Variants in HS6ST3 observed in about 807,000 individuals in gnomAD.
HS6ST3 encodes heparan-sulfate 6-O-sulfotransferase 3.
In HS6ST3, 12 loss-of-function variants were observed where a neutral mutation model predicts 36.7. That is an observed-to-expected ratio of 0.33 (90% CI 0.21 to 0.53). The LOEUF (loss-of-function observed/expected upper bound fraction) is 0.53, where lower values mean the gene tolerates loss of function less well. Among genes scored for constraint, HS6ST3 ranks in the 20% least tolerant of loss-of-function variants. HS6ST3 has a pLI of 0.95. For missense variants in HS6ST3, 584 were observed against 640.9 expected (o/e 0.91, Z 0.96); for synonymous variants, 240 against 257.5 (o/e 0.93, Z 0.65).
rs926496899 is a variant in HS6ST3 at position 96,833,897 on chromosome 13, G to C, written c.*699G>C. 6.6e-6 allele frequency: 1 copy of C among 152,126 alleles called. No homozygotes were observed. Among genetic ancestry groups the C allele is most frequent in the African/African-American group, 2.4e-5 (1 of 41,402 alleles). The allele number at this position is 152,126 out of a possible 1,614,324, so 9.4% of individuals were successfully genotyped here. On this transcript the variant is annotated 3_prime_UTR_variant, in exon 2 of 2. Transcript: ENST00000376705. ...GGAACGGGGAGTGGATCCAGGACAG[G>C]GGAGGTTGTAACCCCTGAGAAATGA... is the stretch of plus-strand genomic sequence containing the variant.
At chr13:96,657,290 G>A (rs1170827555) in intron 1 of HS6ST3, among the ~76,000 whole-genome samples, 10 of 152,104 alleles carry the variant, frequency 6.6e-5, no homozygotes, top group African/African-American at 2.4e-4. Context: ...GCCAGGCACA[G>A]TGGCTCACAC....
intron 1 of HS6ST3, among the ~76,000 whole-genome samples, chr13:96,775,508 CA>C (rs1286136762): frequency 8.6e-6 from 1 of 116,644 alleles, no homozygotes; most frequent in East Asian, 2.8e-4. Context: ...ACATGGAAGG[CA>C]AAAAAGAAAA....
chr13:96,230,330 G>T (rs891788148), intron 1 of HS6ST3, among the ~76,000 whole-genome samples: 23 of 152,174 alleles, frequency 1.5e-4, no homozygotes, highest in African/African-American at 5.5e-4. Context: ...GAACGGAGAG[G>T]GTAGAAAACT....
At chr13:96,093,038 A>C (rs1453935495) in intron 1 of HS6ST3, among the ~76,000 whole-genome samples, 1 of 152,318 alleles carries the variant, frequency 6.6e-6, no homozygotes, top group South Asian at 2.1e-4. Context: ...CTCCTAACAC[A>C]TAACACTATT....
At chr13:96,097,077 G>A (rs1235114293) in intron 1 of HS6ST3, among the ~76,000 whole-genome samples, 1 of 152,110 alleles carries the variant, frequency 6.6e-6, no homozygotes, top group Non-Finnish European at 1.5e-5. Context: ...ATCAGAAAGA[G>A]GTTAAATTAA....
chr13:96,662,339 T>C (rs1594830372), intron 1 of HS6ST3, among the ~76,000 whole-genome samples: 1 of 152,320 alleles, frequency 6.6e-6, no homozygotes, highest in Middle Eastern at 3.4e-3. Flanking sequence ...ACTGGGTTAA[T>C]TCAAAAGACC....
At chr13:96,321,206 T>C (rs1457524902) in intron 1 of HS6ST3, among the ~76,000 whole-genome samples, 5 of 152,136 alleles carry the variant, frequency 3.3e-5, no homozygotes, top group African/African-American at 1.2e-4. Context: ...TCAGTCTATC[T>C]GCTTTGAATC....
intron 1 of HS6ST3, among the ~76,000 whole-genome samples, chr13:96,468,416 A>C (rs555022757): frequency 7.2e-5 from 11 of 152,032 alleles, no homozygotes; most frequent in South Asian, 2.1e-4. Context: ...ATGATGATTT[A>C]ATTGAATTAC....
At chr13:96,404,655 A>G (rs1283796830) in intron 1 of HS6ST3, among the ~76,000 whole-genome samples, 4 of 152,262 alleles carry the variant, frequency 2.6e-5, no homozygotes, top group Non-Finnish European at 5.9e-5. Context: ...TAAGCCAAGA[A>G]GTTGGCAAAA....
At chr13:96,222,675 T>C (rs893667617) in intron 1 of HS6ST3, among the ~76,000 whole-genome samples, 2 of 152,216 alleles carry the variant, frequency 1.3e-5, no homozygotes, top group Non-Finnish European at 2.9e-5. Flanking sequence ...GAATCAGAAA[T>C]GGAAAAATCA....
At chr13:96,178,953 C>G (rs2054225619) in intron 1 of HS6ST3, among the ~76,000 whole-genome samples, 1 of 152,160 alleles carries the variant, frequency 6.6e-6, no homozygotes, top group Non-Finnish European at 1.5e-5. Context: ...GGGCCAAATA[C>G]TAAGAAATGG....
chr13:96,467,095 G>A (rs1279260630), intron 1 of HS6ST3, among the ~76,000 whole-genome samples: 1 of 152,150 alleles, frequency 6.6e-6, no homozygotes, highest in Non-Finnish European at 1.5e-5. Context: ...TGCAACATAT[G>A]TATAAACTTC....
intron 1 of HS6ST3, among the ~76,000 whole-genome samples, chr13:96,280,912 A>G (rs1216116148): frequency 6.6e-6 from 1 of 152,226 alleles, no homozygotes; most frequent in Non-Finnish European, 1.5e-5. Flanking sequence ...CAAAGTAACA[A>G]CAGGGGCTGT....
chr13:96,438,774 T>C (rs2055655249), intron 1 of HS6ST3, among the ~76,000 whole-genome samples: 1 of 152,176 alleles, frequency 6.6e-6, no homozygotes, highest in African/African-American at 2.4e-5. Flanking sequence ...ATTTAAAATA[T>C]TATGGTTATG....
Position 96,832,771 on chromosome 13 carries a change from A to G in HS6ST3, c.989A>G (p.Glu330Gly), listed in dbSNP as rs751137557. The change falls in exon 2 of 2, where the codon GAG (glutamate) becomes GGG (glycine). Residue 330 changes from glutamate (E) to glycine (G), a missense_variant. By Grantham distance (98) the Glu-to-Gly change is moderately conservative. Coordinates refer to ENST00000376705, the MANE Select transcript of HS6ST3 (RefSeq NM_153456.4). ...TGCTATAACTTGACTTTCATGAACG[A>G]GAGTGAAAGAAACACCATCCTGTTG... The part of the protein sequence containing the change: ...VGCYNLTFMN[E>G]SERNTILLQS... The G allele has an allele frequency of 1.9e-6, 3 of 1,614,094 alleles. No homozygotes were observed. Among genetic ancestry groups the G allele is most frequent in the Admixed American group, 3.3e-5 (2 of 60,006 alleles).
intron 1 of HS6ST3, among the ~76,000 whole-genome samples, chr13:96,199,364 A>G (rs939344839): frequency 6.6e-6 from 1 of 152,244 alleles, no homozygotes; most frequent in Non-Finnish European, 1.5e-5. Context: ...TTTTGTATAT[A>G]TGATATTAGA....
rs1566456881 is a variant in HS6ST3 at position 96,799,996 on chromosome 13, A to ATATATATATATG, written c.708-32493_708-32492insATATATATATGT. Among the ~76,000 whole-genome samples the ATATATATATATG allele has an allele frequency of 2.5e-4, 19 of 77,200 alleles. 2 individuals are homozygous for ATATATATATATG. In the East Asian group the frequency reaches 3.0e-3, roughly 12 times the overall value. The allele number at this position is 77,200 out of a possible 152,430, so 50.6% of individuals were successfully genotyped here. On this transcript the variant is annotated intron_variant, in intron 1 of 1. Transcript: ENST00000376705. ...TATATATATATGTATATATATATAT[A>ATATATATATATG]TGTATATATATATATATGTATATAT...
chr13:96,540,132 GT>G (rs1415146851), intron 1 of HS6ST3, among the ~76,000 whole-genome samples: 3 of 152,186 alleles, frequency 2.0e-5, no homozygotes, highest in African/African-American at 7.2e-5. Flanking sequence ...ACCAGATAAA[GT>G]TTTGAATTTT....
At chr13:96,202,242 C>T (rs2054346093) in intron 1 of HS6ST3, among the ~76,000 whole-genome samples, 1 of 152,162 alleles carries the variant, frequency 6.6e-6, no homozygotes, top group African/African-American at 2.4e-5. Flanking sequence ...CCTTGATGCC[C>T]TGTGAAATGA....
Sources: allele counts gnomAD v4.1 joint callset (sites outside exome capture counted in the v4.1 genomes callset), GRCh38; gene constraint gnomAD v4.1.1; transcripts MANE v1.5; gene names NCBI Gene and HGNC (gene_info 2026-07-23, HGNC 2026-07-21).